ACE: variants seen among roughly 807,000 people sequenced by gnomAD.
ACE encodes the protein angiotensin-converting enzyme.
Under a neutral mutation model 162.3 loss-of-function variants are expected in ACE, and 122 were observed. The ratio of observed to expected loss-of-function variants is 0.75; its 90% CI spans 0.65 to 0.87. The LOEUF is 0.87. ACE is among the 40% of genes least tolerant of loss of function. The pLI is 0.00. For missense variants in ACE, 1,799 were observed against 1,735.1 expected (o/e 1.04, Z -0.65); for synonymous variants, 796 against 720.6 (o/e 1.10, Z -1.68).
intron 19 of ACE, among the ~76,000 whole-genome samples, chr17:63,492,845 G>A (rs545790132): frequency 2.0e-5 from 3 of 152,228 alleles, no homozygotes; most frequent in Admixed American, 6.5e-5. Context: ...AACATAGCGA[G>A]ACCCCATTTC....
rs1259851229 is a variant in ACE, at chr17:63,477,225, C to T, written c.131C>T (p.Ala44Val). ...CCCGGCAACTTTTCTGCTGACGAGG[C>T]CGGGGCGCAGCTCTTCGCGCAGAGC... Reference protein sequence around the residue: ...LQPGNFSADEAGAQLFAQSYN... With the variant: ...LQPGNFSADEVGAQLFAQSYN... Residue 44 changes from alanine (A) to valine (V), a missense_variant, in exon 1 of 25, where the codon GCC becomes GTC. Coordinates refer to ENST00000290866, the MANE Select transcript of ACE (RefSeq NM_000789.4). 6.7e-7 allele frequency: 1 copy of T among 1,500,044 alleles called. No individual in the cohort carries two copies. Among genetic ancestry groups the T allele is most frequent in the Non-Finnish European group, 8.9e-7 (1 of 1,128,248 alleles). 92.9% of individuals were successfully genotyped at this position (1,500,044 alleles called of 1,614,324 possible). A position where few individuals can be genotyped will look rare whatever the true frequency, so the allele number is the denominator to read the frequency against.
chr17:63,479,798 A>G lies in ACE; in HGVS notation c.541A>G (p.Ser181Gly). 6.2e-7 allele frequency: 1 copy of G among 1,613,378 alleles called. No individual in the cohort carries two copies. Among genetic ancestry groups the G allele is most frequent in the Non-Finnish European group, 8.5e-7 (1 of 1,180,020 alleles). Residue 181 changes from serine (S) to glycine (G), a missense_variant, in exon 4 of 25, where the codon AGC becomes GGC. By Grantham distance (56) the Ser-to-Gly change is moderately conservative. Transcript: ENST00000290866. ...DLTNILASSR[S>G]YAMLLFAWEG... ...CACCAACATCCTGGCTTCCTCGCGA[A>G]GCTACGCCATGCTCCTGTTTGCCTG...
Position 63,487,070 on chromosome 17 carries a change from C to G in ACE, c.2302C>G (p.Pro768Ala). The G allele has an allele frequency of 1.2e-6, 2 of 1,613,258 alleles. No individual in the cohort carries two copies. The highest frequency in any genetic ancestry group is 1.7e-6 in the Non-Finnish European group (2 of 1,179,808). ...HPNGSCLQLEPDLTNVMATSR... is the reference protein window; with the variant it reads ...HPNGSCLQLEADLTNVMATSR... ...GAATGGCAGCTGCCTGCAGCTCGAGCCAGGTGAGAGCTCATGTGCAGGCTG... is the reference window on the plus strand; with the variant it reads ...GAATGGCAGCTGCCTGCAGCTCGAGGCAGGTGAGAGCTCATGTGCAGGCTG... The change falls in exon 15 of 25, where the codon CCA (proline) becomes GCA (alanine). Residue 768 changes from proline to alanine, a missense_variant. By Grantham distance (27) the Pro-to-Ala change is conservative. Coordinates refer to ENST00000290866, the MANE Select transcript of ACE (RefSeq NM_000789.4).
intron 6 of ACE, 43 bp downstream of exon 6, chr17:63,481,231 G>GC: frequency 8.4e-7 from 1 of 1,186,298 alleles, no homozygotes; most frequent in Non-Finnish European, 1.2e-6. Context: ...GGTCGGGGGT[G>GC]GGGCGCAAAA....
Position 63,497,884 on chromosome 17 carries a change from A to G in ACE, c.*518A>G. On this transcript the variant is annotated 3_prime_UTR_variant, in exon 25 of 25. Coordinates refer to ENST00000290866, the MANE Select transcript of ACE (RefSeq NM_000789.4). ...CCCACGCGGACTCTGGGAAGCAGAC[A>G]TCCTGGGCTGCTGGCCTCACATTTC... 1 of 233,662 alleles carries G rather than the reference A, an allele frequency of 4.3e-6. No individual in the cohort carries two copies. The highest frequency in any genetic ancestry group is 8.6e-6 in the Non-Finnish European group (1 of 116,576). 14.5% of individuals were successfully genotyped at this position (233,662 alleles called of 1,614,324 possible). A position where few individuals can be genotyped will look rare whatever the true frequency, so the allele number is the denominator to read the frequency against.
chr17:63,486,337 G>T, intron 13 of ACE: 1 of 610,684 alleles, frequency 1.6e-6, no homozygotes, highest in Non-Finnish European at 2.9e-6. Context: ...CCCCTGCCTG[G>T]ATATGTGTTG....
intron 4 of ACE, 113 bp downstream of exon 4, chr17:63,480,025 C>A (rs2049680795): frequency 6.8e-7 from 1 of 1,465,358 alleles, no homozygotes; most frequent in African/African-American, 1.4e-5. Flanking sequence ...TTCCAGCAGG[C>A]CCTGAGTTTC....
intron 3 of ACE, 43 bp downstream of exon 3, chr17:63,479,143 C>G: frequency 6.8e-7 from 1 of 1,471,822 alleles, no homozygotes; most frequent in Non-Finnish European, 9.4e-7. Flanking sequence ...CCCTAGTGTT[C>G]CCACATTGCC....
At chr17:63,481,493 T>C in intron 6 of ACE, 73 bp from the exon 7 acceptor site, 3 of 1,558,750 alleles carry the variant, frequency 1.9e-6, no homozygotes, top group Non-Finnish European at 1.8e-6. Flanking sequence ...TGACCCGAGA[T>C]GGGGACCCCA....
intron 21 of ACE, 46 bp downstream of exon 21, chr17:63,494,112 G>T (rs377561616): frequency 6.2e-6 from 10 of 1,610,664 alleles, no homozygotes; most frequent in African/African-American, 2.7e-5. Context: ...ATCTCTGCGA[G>T]TGTCTGCATG....
Position 63,486,268 on chromosome 17 carries a change from A to G in ACE, c.2059-289A>G, listed in dbSNP as rs2029926769. On this transcript the variant is annotated intron_variant, in intron 13 of 24. Transcript: ENST00000290866. ...GAGGTTCAGAAAGGCCACAGAGCTA[A>G]TACCAAGCTGGCTCCTTCCTAAGGG... The G allele has an allele frequency of 5.2e-5, 26 of 502,306 alleles. No individual in the cohort carries two copies. The East Asian group carries it at 9.8e-4, about 19-fold the overall frequency. The allele number at this position is 502,306 out of a possible 1,614,324, so 31.1% of individuals were successfully genotyped here.
At chr17:63,497,110 C>T in intron 24 of ACE, 27 bp from the exon 25 acceptor site, 2 of 1,598,620 alleles carry the variant, frequency 1.3e-6, no homozygotes, top group Non-Finnish European at 1.7e-6. Context: ...CTGCCCTGCC[C>T]ATGCTGTCTC....
At chr17:63,494,544 C>G in intron 22 of ACE, 74 bp downstream of exon 22, 9 of 1,353,800 alleles carry the variant, frequency 6.6e-6, no homozygotes, top group Non-Finnish European at 8.4e-6. Context: ...CGGCCACTGC[C>G]CGGTCCACAA....
intron 9 of ACE, 75 bp from the exon 10 acceptor site, chr17:63,483,385 T>C: frequency 6.7e-7 from 1 of 1,494,956 alleles, no homozygotes; most frequent in Non-Finnish European, 9.3e-7. Context: ...CGGGTGGAAA[T>C]GCCTTTTCTA....
intron 5 of ACE, 112 bp downstream of exon 5, chr17:63,480,640 T>C (rs1200245757): frequency 1.7e-6 from 2 of 1,155,532 alleles, no homozygotes; most frequent in South Asian, 1.2e-5. Context: ...ACATCTCACA[T>C]GTGTGGGGCA....
In ACE at chr17:63,488,385, G is replaced by A. The variant is rs113958474; in HGVS notation, c.2306-263G>A. Among the ~76,000 whole-genome samples, 1,278 of 146,840 alleles carry A rather than the reference G, an allele frequency of 8.7e-3. 25 individuals are homozygous for A. The highest frequency in any genetic ancestry group is 0.03 in the African/African-American group (1,173 of 38,944). The stretch of plus-strand genomic sequence containing the variant: ...GAAAAAAAAAAAAAAAAAAAAAGGA[G>A]AGGAGAGAGACTCAAGCACGCCCCT... On this transcript the variant is annotated intron_variant, in intron 15 of 24. Transcript: ENST00000290866.
In ACE at chr17:63,481,158, C is replaced by T. The variant is rs1435552807; in HGVS notation, c.915C>T (p.Asn305=). The T allele has an allele frequency of 6.2e-7, 1 of 1,613,782 alleles. No homozygotes were observed. Among genetic ancestry groups the T allele is most frequent in the South Asian group, 1.1e-5 (1 of 91,058 alleles). Residue 305 remains asparagine, a synonymous_variant, in exon 6 of 25, where the codon AAC becomes AAT. Coordinates refer to ENST00000290866, the MANE Select transcript of ACE (RefSeq NM_000789.4). ...DMVVPFPDKP[N]LDVTSTMLQQ... is the part of the protein sequence containing the mutation. ...TGGTGCCTTTCCCAGACAAGCCCAA[C>T]CTCGATGTCACCAGTACTATGCTGC...
At chr17:63,494,336 C>A (rs765714084) in intron 21 of ACE, 36 bp from the exon 22 acceptor site, 4 of 1,600,912 alleles carry the variant, frequency 2.5e-6, no homozygotes, top group Non-Finnish European at 3.4e-6. Flanking sequence ...TGGTTCTCCC[C>A]AAACTCATCT....
In ACE at chr17:63,484,180, C is replaced by T. The variant is rs971288024; in HGVS notation, c.1710-150C>T. On this transcript the variant is annotated intron_variant, in intron 11 of 24. Coordinates refer to ENST00000290866, the MANE Select transcript of ACE (RefSeq NM_000789.4). The surrounding 1 kb of genome is among the most constrained non-coding windows in gnomAD (Gnocchi z 4.0). ...GGGCGACACAAATGCCCCCTGCCACCATCAGAGAGATCCCAGGCCCCAGGG... is the reference window on the plus strand; with the variant it reads ...GGGCGACACAAATGCCCCCTGCCACTATCAGAGAGATCCCAGGCCCCAGGG... 2.1e-5 allele frequency: 26 copies of T among 1,216,090 alleles called. No individual in the cohort carries two copies. The highest frequency in any genetic ancestry group is 1.4e-4 in the Admixed American group (7 of 49,330). The allele number at this position is 1,216,090 out of a possible 1,614,324, so 75.3% of individuals were successfully genotyped here. A position where few individuals can be genotyped will look rare whatever the true frequency, so the allele number is the denominator to read the frequency against.
Sources: gnomAD v4.1 joint callset for allele counts (sites outside exome capture counted in the v4.1 genomes callset) on GRCh38, gnomAD v4.1.1 for gene constraint, Gnocchi (gnomAD v3.1) non-coding constraint, MANE v1.5 for transcripts, NCBI Gene and HGNC (gene_info 2026-07-23, HGNC 2026-07-21) for gene names.